Variants in ATG7 observed in about 807,000 individuals in gnomAD.
ATG7 encodes the protein ubiquitin-like modifier-activating enzyme ATG7.
In ATG7, 70 loss-of-function variants were observed where a neutral mutation model predicts 82.4. That is an observed-to-expected ratio of 0.85 (90% CI 0.70 to 1.04). The LOEUF (loss-of-function observed/expected upper bound fraction) is 1.04. ATG7 is among the 50% of genes least tolerant of loss of function. ATG7 has a pLI of 0.00. For synonymous variants in ATG7, 287 were observed against 313.0 expected, an observed-to-expected ratio of 0.92 and a Z score of 0.88; for missense variants, 792 against 864.3, an observed-to-expected ratio of 0.92 and a Z score of 1.05.
At chr3:11,446,186 A>G (rs1370325184) in intron 20 of ATG7, among the ~76,000 whole-genome samples, 1 of 150,404 alleles carries the variant, frequency 6.6e-6, no homozygotes, top group African/African-American at 2.5e-5. Context: ...TTGGCTGCCC[A>G]TCAGAATTAT....
chr3:11,417,805 A>AT (rs200364263), intron 19 of ATG7, among the ~76,000 whole-genome samples: 16 of 52,748 alleles, frequency 3.0e-4, no homozygotes, highest in African/African-American at 1.0e-3. Context: ...TTATTATTTT[A>AT]TTTTATTTTA....
At chr3:11,506,575 AAAAAAAAAAC>A (rs376391464) in intron 20 of ATG7, among the ~76,000 whole-genome samples, 19,600 of 47,454 alleles carry the variant, frequency 0.41, 2,598 homozygotes, top group South Asian at 0.57. Flanking sequence ...AAAAAAAAAA[AAAAAAAAAAC>A]CCAAAAATTA....
chr3:11,417,952 C>T (rs1225944413), intron 19 of ATG7, among the ~76,000 whole-genome samples: 1 of 151,446 alleles, frequency 6.6e-6, no homozygotes, highest in Non-Finnish European at 1.5e-5. Context: ...GGACTACAGG[C>T]ACCCACCACC....
chr3:11,477,011 CG>C, intron 20 of ATG7: 1 of 1,032,418 alleles, frequency 9.7e-7, no homozygotes. Context: ...CAGTGTTTTC[CG>C]ATGGCAGTCA....
chr3:11,502,681 A>C (rs1317847280), intron 20 of ATG7, among the ~76,000 whole-genome samples: 1 of 152,104 alleles, frequency 6.6e-6, no homozygotes, highest in East Asian at 1.9e-4. Flanking sequence ...GGCATTATTC[A>C]CAAGAATGTT....
intron 20 of ATG7, among the ~76,000 whole-genome samples, chr3:11,433,789 A>G (rs562237046): frequency 7.9e-5 from 12 of 152,346 alleles, no homozygotes; most frequent in African/African-American, 2.9e-4. Flanking sequence ...TATAATTTGC[A>G]TTTTGTCAAG....
In ATG7 at chr3:11,289,748, T is replaced by C. The variant is rs192290245; in HGVS notation, c.-11+7310T>C. Among the ~76,000 whole-genome samples the C allele has an allele frequency of 5.3e-4, 81 of 152,266 alleles. 1 individual carries two copies. Among genetic ancestry groups the C allele is most frequent in the Admixed American group, 5.0e-3 (77 of 15,292 alleles). On this transcript the variant is annotated intron_variant, in intron 3 of 20. Transcript: ENST00000693202. ...AATTTTAAAACTTTTTTTGTAGAAA[T>C]GGGGTCTCACCATGTTGCCCAGGCT...
intron 20 of ATG7, among the ~76,000 whole-genome samples, chr3:11,520,570 A>T (rs756831863): frequency 2.0e-5 from 3 of 152,116 alleles, no homozygotes; most frequent in Non-Finnish European, 2.9e-5. Flanking sequence ...CTGGAGGAAC[A>T]CACACACAGG....
At chr3:11,323,661 T>C (rs1039365221) in intron 9 of ATG7, among the ~76,000 whole-genome samples, 8 of 152,234 alleles carry the variant, frequency 5.3e-5, no homozygotes, top group Non-Finnish European at 1.2e-4. Context: ...TGTTGTGTAA[T>C]TTCAACAACA....
At chr3:11,495,907 C>T (rs577707774) in intron 20 of ATG7, among the ~76,000 whole-genome samples, 32 of 152,280 alleles carry the variant, frequency 2.1e-4, no homozygotes, top group African/African-American at 6.7e-4. Flanking sequence ...TGGATGTTAA[C>T]GCAGTTCATG....
At chr3:11,440,295 G>A (rs148234585) in intron 20 of ATG7, among the ~76,000 whole-genome samples, 1 of 148,822 alleles carries the variant, frequency 6.7e-6, no homozygotes, top group Non-Finnish European at 1.5e-5. Flanking sequence ...GCAGGTAAGA[G>A]ATAAGTCCTT....
At chr3:11,491,419 T>G (rs938891682) in intron 20 of ATG7, among the ~76,000 whole-genome samples, 7 of 152,324 alleles carry the variant, frequency 4.6e-5, no homozygotes, top group Middle Eastern at 3.4e-3. Context: ...TGGTTTGAAT[T>G]TCCTCCTGTA....
intron 9 of ATG7, among the ~76,000 whole-genome samples, chr3:11,321,166 C>T (rs769208906): frequency 7.2e-5 from 11 of 152,212 alleles, no homozygotes; most frequent in Non-Finnish European, 1.6e-4. Context: ...CAGAGACGCA[C>T]AGAGTGCTGA....
intron 14 of ATG7, among the ~76,000 whole-genome samples, chr3:11,357,986 G>A (rs2076040438): frequency 6.7e-6 from 1 of 150,056 alleles, no homozygotes; most frequent in Admixed American, 6.6e-5. Flanking sequence ...TCTAGCCTGG[G>A]TGACAAAGTA....
At chr3:11,454,756 G>A (rs748324583) in intron 20 of ATG7, among the ~76,000 whole-genome samples, 3 of 152,214 alleles carry the variant, frequency 2.0e-5, no homozygotes, top group Non-Finnish European at 4.4e-5. Context: ...GTAGAAGGAA[G>A]CTCAGTGTGT....
intron 20 of ATG7, among the ~76,000 whole-genome samples, chr3:11,429,730 C>T (rs988135396): frequency 5.9e-5 from 9 of 152,152 alleles, no homozygotes; most frequent in Admixed American, 1.3e-4. Context: ...GGTGGAGTGC[C>T]TGAGCTCAGG....
At chr3:11,489,583 G>T (rs1252641089) in intron 20 of ATG7, among the ~76,000 whole-genome samples, 1 of 142,536 alleles carries the variant, frequency 7.0e-6, no homozygotes, top group Non-Finnish European at 1.5e-5. Context: ...TGTCAATTTT[G>T]GATCTTTCCT....
intron 16 of ATG7, among the ~76,000 whole-genome samples, chr3:11,361,379 G>A: frequency 6.6e-6 from 1 of 151,740 alleles, no homozygotes; most frequent in Admixed American, 6.6e-5. Context: ...CTGCCTCCTG[G>A]GTTCAAGTGA....
At chr3:11,506,826 T>C (rs2091761038) in intron 20 of ATG7, among the ~76,000 whole-genome samples, 1 of 152,126 alleles carries the variant, frequency 6.6e-6, no homozygotes, top group African/African-American at 2.4e-5. Context: ...GTCTAGAACT[T>C]GATGGGTGCT....
Sources: allele counts gnomAD v4.1 joint callset (sites outside exome capture counted in the v4.1 genomes callset), GRCh38; gene constraint gnomAD v4.1.1; transcripts MANE v1.5; gene names NCBI Gene and HGNC (gene_info 2026-07-23, HGNC 2026-07-21).